Variants in MTMR7 observed in about 807,000 individuals in gnomAD.
MTMR7 encodes the protein phosphatidylinositol-3-phosphate phosphatase MTMR7.
In MTMR7, 76 loss-of-function variants were observed where a neutral mutation model predicts 81.2. The ratio of observed to expected loss-of-function variants is 0.94; its 90% CI spans 0.78 to 1.13. The LOEUF (loss-of-function observed/expected upper bound fraction) is 1.13, where lower values mean the gene tolerates loss of function less well. MTMR7 is among the 50% of genes most tolerant of loss of function. The pLI, the probability that MTMR7 is intolerant of heterozygous loss-of-function variation, is 0.00. For missense variants in MTMR7, 1,044 were observed against 820.0 expected, an observed-to-expected ratio of 1.27 and a Z score of -3.34; for synonymous variants, 372 against 289.8, an observed-to-expected ratio of 1.28 and a Z score of -2.88.
intron 1 of MTMR7, among the ~76,000 whole-genome samples, chr8:17,398,682 G>A (rs918902052): frequency 6.6e-6 from 1 of 152,162 alleles, no homozygotes; most frequent in African/African-American, 2.4e-5. Flanking sequence ...AAGAACTATG[G>A]TGTGTGAACT....
At chr8:17,381,709 G>A (rs969747377) in intron 1 of MTMR7, among the ~76,000 whole-genome samples, 2 of 152,180 alleles carry the variant, frequency 1.3e-5, no homozygotes, top group Admixed American at 6.5e-5. Context: ...TCCAGGGACT[G>A]TTTAACAGAG....
chr8:17,383,326 G>A (rs1457868428), intron 1 of MTMR7, among the ~76,000 whole-genome samples: 1 of 152,152 alleles, frequency 6.6e-6, no homozygotes, highest in African/African-American at 2.4e-5. Context: ...GCAAGAGGAG[G>A]AAGGGTAATA....
intron 7 of MTMR7, among the ~76,000 whole-genome samples, chr8:17,325,584 T>G (rs765477777): frequency 1.3e-5 from 2 of 152,226 alleles, no homozygotes; most frequent in Non-Finnish European, 2.9e-5. Context: ...ATGCCTGAGC[T>G]GACGCGGGGC....
chr8:17,307,600 G>A (rs192965864), intron 10 of MTMR7, among the ~76,000 whole-genome samples: 46 of 152,156 alleles, frequency 3.0e-4, no homozygotes, highest in African/African-American at 5.8e-4. Flanking sequence ...TGTTTATAGC[G>A]GCACTATTCA....
intron 1 of MTMR7, 114 bp from the exon 2 acceptor site, chr8:17,373,354 C>A (rs1042808785): frequency 1.5e-6 from 2 of 1,308,624 alleles, no homozygotes; most frequent in Non-Finnish European, 2.0e-6. Flanking sequence ...TTTGAGAATT[C>A]CCCCAATAAT....
At chr8:17,372,941 T>C in intron 2 of MTMR7, 177 bp downstream of exon 2, 2 of 635,916 alleles carry the variant, frequency 3.1e-6, no homozygotes, top group South Asian at 4.5e-5. Flanking sequence ...AAATGAATAG[T>C]CGATCAAGTA....
chr8:17,341,554 C>G lies in MTMR7; in HGVS notation c.598-57G>C, dbSNP rs188730366. ...ATCAGGTAACTGTACCCATGAGAGA[C>G]ACTCTACGTGTGTCTCCAGAACAAA... On this transcript the variant is annotated intron_variant, in intron 5 of 13. Transcript: ENST00000180173. 2.2e-3 allele frequency: 3,580 copies of G among 1,594,660 alleles called. 9 individuals carry two copies. The highest frequency in any genetic ancestry group is 2.8e-3 in the Non-Finnish European group (3,313 of 1,170,854).
chr8:17,363,468 C>G (rs149005642), intron 3 of MTMR7, among the ~76,000 whole-genome samples: 438 of 152,232 alleles, frequency 2.9e-3, no homozygotes, highest in African/African-American at 0.01. Context: ...TGGGCTGATA[C>G]CTGTTTCCAC....
intron 10 of MTMR7, among the ~76,000 whole-genome samples, chr8:17,307,706 A>C (rs1236052203): frequency 6.6e-6 from 1 of 152,258 alleles, no homozygotes; most frequent in Non-Finnish European, 1.5e-5. Flanking sequence ...TTATGCAGCC[A>C]TAAAAAATGA....
intron 10 of MTMR7, 23 bp downstream of exon 10, chr8:17,309,254 A>T (rs199514566): frequency 1.4e-6 from 2 of 1,436,272 alleles, no homozygotes; most frequent in Admixed American, 3.7e-5. Context: ...TAAACATTCA[A>T]AACAGTCTTA....
chr8:17,318,483 G>A (rs1372124084), intron 7 of MTMR7, among the ~76,000 whole-genome samples: 1 of 152,146 alleles, frequency 6.6e-6, no homozygotes, highest in Non-Finnish European at 1.5e-5. Context: ...TTAGGTTACT[G>A]GAACTGCAGC....
intron 7 of MTMR7, among the ~76,000 whole-genome samples, chr8:17,325,250 G>T (rs1294451297): frequency 6.6e-6 from 1 of 152,050 alleles, no homozygotes; most frequent in East Asian, 1.9e-4. Flanking sequence ...GACTAGAGCA[G>T]GCATCCAACA....
chr8:17,301,761 G>A (rs1352772462), intron 13 of MTMR7: 5 of 214,464 alleles, frequency 2.3e-5, no homozygotes, highest in Non-Finnish European at 4.5e-5. Flanking sequence ...ACCAATTATA[G>A]ATTAATATCA....
chr8:17,334,142 G>A (rs962529863), intron 6 of MTMR7, among the ~76,000 whole-genome samples: 27 of 152,148 alleles, frequency 1.8e-4, no homozygotes, highest in Non-Finnish European at 3.4e-4. Context: ...AGAATGAACA[G>A]AAGGTGGCAA....
At chr8:17,404,313 AC>A (rs768157967) in intron 1 of MTMR7, among the ~76,000 whole-genome samples, 132 of 152,324 alleles carry the variant, frequency 8.7e-4, no homozygotes, top group Non-Finnish European at 1.6e-3. Flanking sequence ...CAGCACTGGA[AC>A]GGTGGATCGC....
At chr8:17,381,726 C>T (rs541966246) in intron 1 of MTMR7, among the ~76,000 whole-genome samples, 1 of 152,270 alleles carries the variant, frequency 6.6e-6, no homozygotes, top group South Asian at 2.1e-4. Context: ...AGAGAGAAAT[C>T]AAAATCTCTG....
intron 1 of MTMR7, among the ~76,000 whole-genome samples, chr8:17,381,635 G>A (rs2150572520): frequency 6.6e-6 from 1 of 152,310 alleles, no homozygotes; most frequent in South Asian, 2.1e-4. Context: ...TCAGGCCAAA[G>A]ACCAAGTCCT....
At chr8:17,319,831 G>T (rs1450648141) in intron 7 of MTMR7, among the ~76,000 whole-genome samples, 1 of 151,990 alleles carries the variant, frequency 6.6e-6, no homozygotes, top group African/African-American at 2.4e-5. Context: ...TCATAATTCA[G>T]CAGGAACCAA....
intron 1 of MTMR7, among the ~76,000 whole-genome samples, chr8:17,374,408 G>A (rs34082677): frequency 0.35 from 52,573 of 151,766 alleles, 11,065 homozygotes; most frequent in Middle Eastern, 0.48. Flanking sequence ...GGATCACGAG[G>A]TAAAGAGATC....
Sources: allele counts gnomAD v4.1 joint callset (sites outside exome capture counted in the v4.1 genomes callset), GRCh38; gene constraint gnomAD v4.1.1; transcripts MANE v1.5; gene names NCBI Gene and HGNC (gene_info 2026-07-23, HGNC 2026-07-21).